The following BLTP1 variants were observed in gnomAD, a reference collection of about 807,000 sequenced individuals.
BLTP1 encodes the protein fragile site-associated protein.
At chr4:122,353,583 A>AG in the BLTP1 span, among the ~76,000 whole-genome samples, 13 of 152,134 alleles carry the variant, frequency 8.5e-5, no homozygotes, top group Admixed American at 1.3e-4. This position sits in a 1 kb window ranked among gnomAD's most constrained non-coding sequence, Gnocchi z 4.3. Context: ...TTCTACATTG[A>AG]GGGAAAAAAA....
the BLTP1 span, among the ~76,000 whole-genome samples, chr4:122,310,095 G>T: frequency 1.3e-5 from 2 of 151,928 alleles, no homozygotes; most frequent in Non-Finnish European, 2.9e-5. Context: ...GAGTTAAAAG[G>T]TTATGAACTA....
chr4:122,315,675 C>T, the BLTP1 span: 10 of 1,613,756 alleles, frequency 6.2e-6, no homozygotes, highest in Non-Finnish European at 7.6e-6. Context: ...ACTATGTCTC[C>T]CACTATCCAT....
the BLTP1 span, chr4:122,348,552 T>C: frequency 1.9e-6 from 3 of 1,577,300 alleles, no homozygotes; most frequent in South Asian, 3.6e-5. Flanking sequence ...ATGTATTTGA[T>C]TTTTCTATTT....
chr4:122,207,067 C>G, the BLTP1 span: 2 of 1,543,612 alleles, frequency 1.3e-6, no homozygotes, highest in Non-Finnish European at 1.7e-6. Context: ...TTCTGAGTTT[C>G]AACTAACTTT....
chr4:122,326,752 A>T, the BLTP1 span, among the ~76,000 whole-genome samples: 13 of 151,916 alleles, frequency 8.6e-5, no homozygotes, highest in Non-Finnish European at 1.2e-4. Context: ...GAGATTAAAT[A>T]TTAGATTTTT....
the BLTP1 span, chr4:122,339,176 C>G: frequency 6.3e-7 from 1 of 1,597,874 alleles, no homozygotes; most frequent in East Asian, 2.2e-5. Context: ...TATCCAGTTC[C>G]TAGAAACCTT....
the BLTP1 span, among the ~76,000 whole-genome samples, chr4:122,282,867 A>G: frequency 1.3e-5 from 2 of 152,108 alleles, no homozygotes; most frequent in African/African-American, 4.8e-5. Context: ...TATATATAAA[A>G]TGCCAGTTGA....
chr4:122,275,990 A>G, the BLTP1 span: 19 of 1,567,542 alleles, frequency 1.2e-5, no homozygotes, highest in Middle Eastern at 1.7e-4. Flanking sequence ...ATTTTCCTAC[A>G]TCTCCTACAA....
chr4:122,224,399 G>C, the BLTP1 span: 1 of 1,250,052 alleles, frequency 8.0e-7, no homozygotes. Flanking sequence ...GATGGCATGA[G>C]TTTATTGTTC....
the BLTP1 span, chr4:122,334,569 T>C: frequency 3.8e-6 from 6 of 1,595,332 alleles, no homozygotes; most frequent in South Asian, 4.6e-5. Context: ...ATATACTTTA[T>C]TTTTTGTCAT....
At chr4:122,214,616 CTTTTTTTT>C in the BLTP1 span, 51 of 78,446 alleles carry the variant, frequency 6.5e-4, no homozygotes, top group Non-Finnish European at 8.4e-4. Context: ...TCAGTAAATT[CTTTTTTTT>C]TTTTTTTTTT....
the BLTP1 span, chr4:122,271,394 A>G: frequency 6.2e-7 from 1 of 1,613,898 alleles, no homozygotes; most frequent in South Asian, 1.1e-5. Flanking sequence ...CTTTAGCCGC[A>G]GTTCTAGAGG....
At chr4:122,299,937 A>G in the BLTP1 span, 1 of 984,472 alleles carries the variant, frequency 1.0e-6, no homozygotes, top group Non-Finnish European at 1.2e-6. Flanking sequence ...GCGTACAGGC[A>G]GGCACTAAGT....
chr4:122,208,650 A>C, the BLTP1 span: 1 of 984,182 alleles, frequency 1.0e-6, no homozygotes. Flanking sequence ...TTTGGAAACT[A>C]TGCTGTTTCT....
chr4:122,198,241 A>G, the BLTP1 span: 2 of 981,624 alleles, frequency 2.0e-6, no homozygotes, highest in Non-Finnish European at 2.4e-6. Context: ...TTTAGTGAAT[A>G]ACTAACCCTT....
At chr4:122,189,846 A>G in the BLTP1 span, 1 of 942,268 alleles carries the variant, frequency 1.1e-6, no homozygotes. Flanking sequence ...TTCATTGGAA[A>G]GATGTTTTTC....
chr4:122,360,812 T>TAA, the BLTP1 span, among the ~76,000 whole-genome samples: 36,848 of 152,158 alleles, frequency 0.24, 4,839 homozygotes, highest in African/African-American at 0.31. Context: ...TTTGCAAATT[T>TAA]AAATAATAAT....
the BLTP1 span, among the ~76,000 whole-genome samples, chr4:122,303,730 A>T: frequency 2.6e-5 from 4 of 152,204 alleles, no homozygotes; most frequent in African/African-American, 7.2e-5. Flanking sequence ...AACTAGAATT[A>T]AATGTGGAGC....
chr4:122,255,505 G>A, the BLTP1 span, among the ~76,000 whole-genome samples: 2 of 152,064 alleles, frequency 1.3e-5, no homozygotes, highest in African/African-American at 2.4e-5. Context: ...AATTAGCTGG[G>A]CGTGCTGGCT....
Sources: gnomAD v4.1 joint callset for allele counts (sites outside exome capture counted in the v4.1 genomes callset) on GRCh38, gnomAD v4.1.1 for gene constraint, Gnocchi (gnomAD v3.1) non-coding constraint, MANE v1.5 for transcripts, NCBI Gene and HGNC (gene_info 2026-07-23, HGNC 2026-07-21) for gene names.